ALPK1: variants seen among roughly 807,000 people sequenced by gnomAD.
ALPK1 encodes alpha kinase 1, also known as alpha-protein kinase 1.
Under a neutral mutation model 120.6 loss-of-function variants are expected in ALPK1, and 110 were observed. The observed-to-expected ratio is 0.91, with a 90% CI of 0.78 to 1.07. ALPK1 has a LOEUF of 1.07. Among genes scored for constraint, ALPK1 ranks in the 50% least tolerant of loss-of-function variants. ALPK1 has a pLI of 0.00. For missense variants in ALPK1, 1,498 were observed against 1,483.9 expected (o/e 1.01, Z -0.16); for synonymous variants, 582 against 560.3 (o/e 1.04, Z -0.55).
intron 2 of ALPK1, chr4:112,357,933 C>A: frequency 1.1e-6 from 1 of 875,326 alleles, no homozygotes; most frequent in Non-Finnish European, 1.9e-6. Flanking sequence ...TGGGTGCTTA[C>A]TAAGCAAGGA....
chr4:112,359,686 C>T (rs1172100402), intron 2 of ALPK1: 1 of 235,742 alleles, frequency 4.2e-6, no homozygotes, highest in East Asian at 1.0e-4. Context: ...GGTGCGGCTG[C>T]AGGGCGAAGC....
intron 2 of ALPK1, among the ~76,000 whole-genome samples, chr4:112,333,050 C>T (rs2148701892): frequency 6.6e-6 from 1 of 152,286 alleles, no homozygotes; most frequent in East Asian, 1.9e-4. Context: ...GACTATGAGA[C>T]TGTGGTCCCT....
intron 2 of ALPK1, among the ~76,000 whole-genome samples, chr4:112,328,901 G>A (rs780958420): frequency 2.0e-5 from 3 of 152,148 alleles, no homozygotes; most frequent in African/African-American, 2.4e-5. Flanking sequence ...ATAAAGCAGG[G>A]TCATTATCCC....
At chr4:112,365,744 G>T (rs993193640) in intron 2 of ALPK1, among the ~76,000 whole-genome samples, 1 of 152,242 alleles carries the variant, frequency 6.6e-6, no homozygotes, top group South Asian at 2.1e-4. Context: ...AGACCGCATA[G>T]TCAAAGCAAG....
chr4:112,400,914 G>A (rs568296319), intron 4 of ALPK1, among the ~76,000 whole-genome samples: 1 of 152,300 alleles, frequency 6.6e-6, no homozygotes, highest in South Asian at 2.1e-4. Flanking sequence ...ACCCCCATCA[G>A]ATAATGTGTT....
At chr4:112,367,699 T>C (rs1365130561) in intron 2 of ALPK1, among the ~76,000 whole-genome samples, 1 of 152,194 alleles carries the variant, frequency 6.6e-6, no homozygotes, top group African/African-American at 2.4e-5. Flanking sequence ...CACAATTATC[T>C]CTCCAAATGG....
intron 5 of ALPK1, among the ~76,000 whole-genome samples, chr4:112,420,347 C>T (rs559724005): frequency 6.6e-6 from 1 of 152,362 alleles, no homozygotes; most frequent in African/African-American, 2.4e-5. Flanking sequence ...AATTTAATCA[C>T]AGTTCATGTT....
At chr4:112,438,406 TTTTGATC>T in intron 12 of ALPK1, 71 bp from the exon 13 acceptor site, 1 of 1,376,348 alleles carries the variant, frequency 7.3e-7, no homozygotes, top group South Asian at 1.3e-5. Context: ...TGCATATGTC[TTTTGATC>T]TCCTCTCTCT....
chr4:112,349,258 C>G (rs958219997), intron 2 of ALPK1, among the ~76,000 whole-genome samples: 8 of 152,038 alleles, frequency 5.3e-5, no homozygotes. Flanking sequence ...TGACTTTATA[C>G]TGGAAAAATA....
rs1263072705 is a variant in ALPK1 at position 112,430,998 on chromosome 4, C to A, written c.1451C>A (p.Ala484Glu). Residue 484 changes from alanine (A) to glutamate (E), a missense_variant, in exon 11 of 16, where the codon GCA becomes GAA. Transcript: ENST00000650871. ...AACAACAAAAATGAACAGAAAGATGCAAAAACAGGAGTCTGCATCACTGCT... is the reference window on the plus strand; with the variant it reads ...AACAACAAAAATGAACAGAAAGATGAAAAAACAGGAGTCTGCATCACTGCT... ...CGNNKNEQKD[A>E]KTGVCITALK... The A allele has an allele frequency of 5.0e-6, 8 of 1,611,752 alleles. No homozygotes were observed. The Admixed American group carries it at 6.7e-5, about 14-fold the overall frequency.
Position 112,352,062 on chromosome 4 carries a change from C to T in ALPK1, c.-100-25616C>T, listed in dbSNP as rs368789458. Among the ~76,000 whole-genome samples the T allele has an allele frequency of 7.9e-5, 12 of 152,326 alleles. No individual in the cohort carries two copies. The East Asian group carries it at 2.3e-3, about 29-fold the overall frequency. ...CTCTCCCTGCTCTGAAAGGATGTAT[C>T]TTTTACCACCTCTCAATGGAGTCCC... On this transcript the variant is annotated intron_variant, in intron 2 of 15. Transcript: ENST00000650871.
At chr4:112,381,925 C>G (rs1731927983) in intron 3 of ALPK1, among the ~76,000 whole-genome samples, 1 of 152,144 alleles carries the variant, frequency 6.6e-6, no homozygotes, top group African/African-American at 2.4e-5. Context: ...TTTCTGTATT[C>G]AAATGTAGTC....
intron 2 of ALPK1, among the ~76,000 whole-genome samples, chr4:112,362,138 G>A (rs111678848): frequency 3.7e-4 from 56 of 152,268 alleles, no homozygotes; most frequent in African/African-American, 1.1e-3. Flanking sequence ...CAAATGAGAA[G>A]GAACCAGACA....
intron 2 of ALPK1, among the ~76,000 whole-genome samples, chr4:112,366,919 C>T (rs566357987): frequency 6.6e-6 from 1 of 152,228 alleles, no homozygotes; most frequent in South Asian, 2.1e-4. Context: ...GAATTAAAGA[C>T]CATTATTCTA....
At chr4:112,363,096 T>C (rs1730986513) in intron 2 of ALPK1, among the ~76,000 whole-genome samples, 1 of 152,228 alleles carries the variant, frequency 6.6e-6, no homozygotes, top group African/African-American at 2.4e-5. Flanking sequence ...GCTCTAAATC[T>C]TGAAACAAAT....
intron 4 of ALPK1, among the ~76,000 whole-genome samples, chr4:112,400,503 C>T (rs1221974280): frequency 2.6e-5 from 4 of 152,128 alleles, no homozygotes; most frequent in Non-Finnish European, 5.9e-5. Flanking sequence ...GTCCCAATTG[C>T]CGGGCAGTAA....
At chr4:112,341,027 T>C (rs942423177) in intron 2 of ALPK1, among the ~76,000 whole-genome samples, 1 of 152,130 alleles carries the variant, frequency 6.6e-6, no homozygotes, top group African/African-American at 2.4e-5. Context: ...AGCAAACACA[T>C]GGAACTGGGT....
chr4:112,360,876 G>T (rs531210625), intron 2 of ALPK1, among the ~76,000 whole-genome samples: 5 of 152,182 alleles, frequency 3.3e-5, no homozygotes, highest in African/African-American at 1.2e-4. Flanking sequence ...CTCTCTAGCT[G>T]CTTTAAAGAT....
intron 1 of ALPK1, chr4:112,302,410 T>C (rs1727829156): frequency 6.6e-6 from 1 of 152,254 alleles, no homozygotes; most frequent in South Asian, 2.1e-4. Context: ...TCCTCTCAGG[T>C]ACTCTACTGA....
Sources: allele counts gnomAD v4.1 joint callset (sites outside exome capture counted in the v4.1 genomes callset), GRCh38; gene constraint gnomAD v4.1.1; transcripts MANE v1.5; gene names NCBI Gene and HGNC (gene_info 2026-07-23, HGNC 2026-07-21).